MRFAP1L1: variants seen among roughly 807,000 people sequenced by gnomAD.
MRFAP1L1 encodes the protein MORF4 family-associated protein 1-like 1.
A neutral mutation model predicts 10.6 loss-of-function variants in MRFAP1L1; 9 were observed. That is an observed-to-expected ratio of 0.85 (90% CI 0.51 to 1.48). The LOEUF is 1.48. Among genes scored for constraint, MRFAP1L1 ranks in the 40% most tolerant of loss-of-function variants. MRFAP1L1 has a pLI of 0.00. For synonymous variants in MRFAP1L1, 78 were observed against 70.4 expected (o/e 1.11, Z -0.54); for missense variants, 177 against 171.4 (o/e 1.03, Z -0.18).
rs1714724370 is a variant in MRFAP1L1 at position 6,709,573 on chromosome 4, C to A, written c.57G>T (p.Glu19Asp). ...VEAPEEVEVL[E>D]PEEDFEQFLL... ...GGAACTGCTCGAAATCCTCCTCGGG[C>A]TCCAGCACCTCCACTTCCTCAGGCG... is the stretch of plus-strand genomic sequence containing the variant. Residue 19 changes from glutamate (E) to aspartate (D), a missense_variant, in exon 1 of 2, where the codon GAG (glutamate) becomes GAT (aspartate). Glu to Asp is a conservative substitution (Grantham distance 45, BLOSUM62 2). Transcript: ENST00000320848. The A allele has an allele frequency of 1.2e-6, 2 of 1,614,034 alleles. No homozygotes were observed. Among genetic ancestry groups the A allele is most frequent in the South Asian group, 1.1e-5 (1 of 91,092 alleles).
At position 6,708,248 on chromosome 4, in the gene MRFAP1L1, C is replaced by G. The variant is rs1714657036; in HGVS notation, c.*411G>C. 1 of 152,664 alleles carries G rather than the reference C, an allele frequency of 6.6e-6. No homozygotes were observed. The highest frequency in any genetic ancestry group is 1.5e-5 in the Non-Finnish European group (1 of 68,046). The allele number at this position is 152,664 out of a possible 1,614,324, so 9.5% of individuals were successfully genotyped here. A position where few individuals can be genotyped will look rare whatever the true frequency, so the allele number is the denominator to read the frequency against. ...CAGGCTCAACCAAGTAGCGTAGTGT[C>G]TTCCATTGCACCTCTAAAGTTGGAA... On this transcript the variant is annotated 3_prime_UTR_variant, in exon 2 of 2. Coordinates refer to ENST00000320848, the MANE Select transcript of MRFAP1L1 (RefSeq NM_203462.3).
chr4:6,709,793 G>T lies in MRFAP1L1; in HGVS notation c.-164C>A. 1 of 982,936 alleles carries T rather than the reference G, an allele frequency of 1.0e-6. No homozygotes were observed. The highest frequency in any genetic ancestry group is 1.5e-6 in the Non-Finnish European group (1 of 677,152). 60.9% of individuals were successfully genotyped at this position (982,936 alleles called of 1,614,324 possible). A position where few individuals can be genotyped will look rare whatever the true frequency, so the allele number is the denominator to read the frequency against. ...TTTTTTTTCTTCCTTTTAATTGTAA[G>T]CCTTTCGCTTCACAACTCTGCGGGA... On this transcript the variant is annotated 5_prime_UTR_variant, in exon 1 of 2. Transcript: ENST00000320848.
rs3172603 is a variant in MRFAP1L1 at position 6,709,386 on chromosome 4, C to G, written c.244G>C (p.Val82Leu). Residue 82 changes from valine to leucine, a missense_variant, in exon 1 of 2, where the codon GTG becomes CTG. Physicochemically the swap from Val to Leu is conservative, Grantham distance 32 (BLOSUM62 1). Coordinates refer to ENST00000320848, the MANE Select transcript of MRFAP1L1 (RefSeq NM_203462.3). ...EASEESALNH[V>L]QHPSGEADER... is the part of the protein sequence containing the mutation. ...TCGGCTTCGCCACTCGGGTGCTGCA[C>G]GTGATTGAGGGCGCTCTCCTCCGAG... 1.9e-6 allele frequency: 3 copies of G among 1,614,258 alleles called. No homozygotes were observed. The highest frequency in any genetic ancestry group is 2.5e-6 in the Non-Finnish European group (3 of 1,180,044).
chr4:6,709,044 A>T, intron 1 of MRFAP1L1, 187 bp downstream of exon 1: 1 of 632,778 alleles, frequency 1.6e-6, no homozygotes, highest in Non-Finnish European at 2.7e-6. Flanking sequence ...AAAACGGTAT[A>T]CTAACGCCTA....
chr4:6,709,474 C>A lies in MRFAP1L1; in HGVS notation c.156G>T (p.Arg52=). 6.2e-7 allele frequency: 1 copy of A among 1,614,280 alleles called. No individual in the cohort carries two copies. Among genetic ancestry groups the A allele is most frequent in the Non-Finnish European group, 8.5e-7 (1 of 1,180,050 alleles). Residue 52 remains arginine (R), a synonymous_variant, in exon 1 of 2, where the codon CGG becomes CGT. Transcript: ENST00000320848. The part of the protein sequence containing the change: ...LIREHGRAYL[R]TRSKLWEMDN... ...CCATCTCCCACAGCTTGCTCCTGGT[C>A]CGCAGGTACGCCCGCCCGTGCTCGC... is the stretch of plus-strand genomic sequence containing the variant.
rs552903887 is a variant in MRFAP1L1 at position 6,709,106 on chromosome 4, T to C, written c.*15+125A>G. ...TTGACCCCAACTTTGTTCCCAATGC[T>C]CAATTTTTGATGCAATAAAATGGGG... is the stretch of plus-strand genomic sequence containing the variant. On this transcript the variant is annotated intron_variant, in intron 1 of 1. Transcript: ENST00000320848. The C allele has an allele frequency of 1.1e-5, 12 of 1,095,730 alleles. No individual in the cohort carries two copies. In the African/African-American group the frequency reaches 1.9e-4, roughly 17 times the overall value. The allele number at this position is 1,095,730 out of a possible 1,614,324, so 67.9% of individuals were successfully genotyped here.
chr4:6,708,252 C>T lies in MRFAP1L1; in HGVS notation c.*407G>A, dbSNP rs1714657191. 1 of 152,626 alleles carries T rather than the reference C, an allele frequency of 6.6e-6. No individual in the cohort carries two copies. 9.5% of individuals were successfully genotyped at this position (152,626 alleles called of 1,614,324 possible). A position where few individuals can be genotyped will look rare whatever the true frequency, so the allele number is the denominator to read the frequency against. ...CTCAACCAAGTAGCGTAGTGTCTTCCATTGCACCTCTAAAGTTGGAAGATT... is the reference window on the plus strand; with the variant it reads ...CTCAACCAAGTAGCGTAGTGTCTTCTATTGCACCTCTAAAGTTGGAAGATT... On this transcript the variant is annotated 3_prime_UTR_variant, in exon 2 of 2. Transcript: ENST00000320848.
At position 6,709,614 on chromosome 4, in the gene MRFAP1L1, T is replaced by C. The variant is rs1227678573; in HGVS notation, c.16A>G (p.Ile6Val). 5 of 1,612,800 alleles carry C rather than the reference T, an allele frequency of 3.1e-6. No homozygotes were observed. The highest frequency in any genetic ancestry group is 1.7e-5 in the Admixed American group (1 of 60,004). Residue 6 changes from isoleucine (I) to valine (V), a missense_variant, in exon 1 of 2, where the codon ATA becomes GTA. Coordinates refer to ENST00000320848, the MANE Select transcript of MRFAP1L1 (RefSeq NM_203462.3). Reference sequence around the variant, plus strand: ...TCCTCAGGCGCTTCCACCTCGTCTATGTCCAGGGGCCGCATCTCCTCCTGC... The same window carrying C: ...TCCTCAGGCGCTTCCACCTCGTCTACGTCCAGGGGCCGCATCTCCTCCTGC... MRPLD[I>V]DEVEAPEEVE...
intron 1 of MRFAP1L1, 56 bp downstream of exon 1, chr4:6,709,175 C>T (rs1285992313): frequency 1.3e-6 from 2 of 1,562,592 alleles, no homozygotes; most frequent in Non-Finnish European, 1.7e-6. Flanking sequence ...GCGGTTTAAC[C>T]ATGCTTAGGG....
At position 6,709,385 on chromosome 4, in the gene MRFAP1L1, A is replaced by T. The variant is rs1473551617; in HGVS notation, c.245T>A (p.Val82Glu). 7 of 1,614,112 alleles carry T rather than the reference A, an allele frequency of 4.3e-6. No individual in the cohort carries two copies. In the African/African-American group the frequency reaches 9.3e-5, roughly 22 times the overall value. The change falls in exon 1 of 2, where the codon GTG becomes GAG. Residue 82 changes from valine (V) to glutamate (E), a missense_variant. By Grantham distance (121) the Val-to-Glu change is moderately radical (BLOSUM62 -2). Coordinates refer to ENST00000320848, the MANE Select transcript of MRFAP1L1 (RefSeq NM_203462.3). ...EASEESALNHVQHPSGEADER... is the reference protein window; with the variant it reads ...EASEESALNHEQHPSGEADER... The stretch of plus-strand genomic sequence containing the variant: ...GTCGGCTTCGCCACTCGGGTGCTGC[A>T]CGTGATTGAGGGCGCTCTCCTCCGA...
At position 6,709,476 on chromosome 4, in the gene MRFAP1L1, G is replaced by A. The variant is rs1316418138; in HGVS notation, c.154C>T (p.Arg52Trp). The A allele has an allele frequency of 1.2e-6, 2 of 1,614,260 alleles. No individual in the cohort carries two copies. The highest frequency in any genetic ancestry group is 1.7e-5 in the Admixed American group (1 of 60,034). Residue 52 changes from arginine to tryptophan, a missense_variant, in exon 1 of 2, where the codon CGG becomes TGG. Coordinates refer to ENST00000320848, the MANE Select transcript of MRFAP1L1 (RefSeq NM_203462.3). ...LIREHGRAYL[R>W]TRSKLWEMDN... ...ATCTCCCACAGCTTGCTCCTGGTCC[G>A]CAGGTACGCCCGCCCGTGCTCGCGT...
At position 6,709,660 on chromosome 4, in the gene MRFAP1L1, A is replaced by G. The variant is rs1288610308; in HGVS notation, c.-31T>C. 6.3e-7 allele frequency: 1 copy of G among 1,593,346 alleles called. No individual in the cohort carries two copies. Among genetic ancestry groups the G allele is most frequent in the Non-Finnish European group, 8.6e-7 (1 of 1,165,808 alleles). ...CCTGCCGCTTCCTCAGTACCGCAGT[A>G]GGGGCGTTCTTCTCACCGGAACCCT... On this transcript the variant is annotated 5_prime_UTR_variant, in exon 1 of 2. Transcript: ENST00000320848.
chr4:6,709,571 G>A lies in MRFAP1L1; in HGVS notation c.59C>T (p.Pro20Leu). The A allele has an allele frequency of 6.2e-7, 1 of 1,614,044 alleles. No homozygotes were observed. The highest frequency in any genetic ancestry group is 8.5e-7 in the Non-Finnish European group (1 of 1,179,982). Reference sequence around the variant, plus strand: ...CAGGAACTGCTCGAAATCCTCCTCGGGCTCCAGCACCTCCACTTCCTCAGG... The same window carrying A: ...CAGGAACTGCTCGAAATCCTCCTCGAGCTCCAGCACCTCCACTTCCTCAGG... ...EAPEEVEVLEPEEDFEQFLLP... is the reference protein window; with the variant it reads ...EAPEEVEVLELEEDFEQFLLP... Residue 20 changes from proline (P) to leucine (L), a missense_variant, in exon 1 of 2, where the codon CCC (proline) becomes CTC (leucine). By Grantham distance (98) the Pro-to-Leu change is moderately conservative. Transcript: ENST00000320848.
Position 6,709,297 on chromosome 4 carries a change from T to C in MRFAP1L1, c.333A>G (p.Ala111=), listed in dbSNP as rs747990986. Residue 111 remains alanine (A), a synonymous_variant, in exon 1 of 2, where the codon GCA becomes GCG. Transcript: ENST00000320848. The part of the protein sequence containing the change: ...EEKAKEIAKM[A]EMLVELVWRI... Reference sequence around the variant, plus strand: ...GCCAGACGAGCTCGACCAGCATCTCTGCCATCTTCGCAATCTCCTTGGCTT... The same window carrying C: ...GCCAGACGAGCTCGACCAGCATCTCCGCCATCTTCGCAATCTCCTTGGCTT... The C allele has an allele frequency of 4.3e-6, 7 of 1,614,252 alleles. No individual in the cohort carries two copies. In the South Asian group the frequency reaches 7.7e-5, roughly 18 times the overall value.
At chr4:6,708,919 C>T (rs1317327456) in intron 1 of MRFAP1L1, 1 of 338,648 alleles carries the variant, frequency 3.0e-6, no homozygotes, top group African/African-American at 2.1e-5. Context: ...AGTGCCTAGA[C>T]AGGTCTACTT....
At chr4:6,709,108 A>G in intron 1 of MRFAP1L1, 123 bp downstream of exon 1, 1 of 1,120,292 alleles carries the variant, frequency 8.9e-7, no homozygotes, top group Non-Finnish European at 1.3e-6. Context: ...CCCAATGCTC[A>G]ATTTTTGATG....
intron 1 of MRFAP1L1, 49 bp downstream of exon 1, chr4:6,709,182 A>G: frequency 6.3e-7 from 1 of 1,579,060 alleles, no homozygotes; most frequent in Non-Finnish European, 8.6e-7. Context: ...AACCATGCTT[A>G]GGGCGACTAC....
rs1425579221 is a variant in MRFAP1L1, at chr4:6,708,204, T to G, written c.*455A>C. On this transcript the variant is annotated 3_prime_UTR_variant, in exon 2 of 2. Transcript: ENST00000320848. ...CTTCCCAGTTTTATGCAAAGCAGTC[T>G]CATTAATACATTCTTCACCAGGCTC... The G allele has an allele frequency of 6.5e-6, 1 of 152,676 alleles. No individual in the cohort carries two copies. Among genetic ancestry groups the G allele is most frequent in the Admixed American group, 6.5e-5 (1 of 15,286 alleles). The allele number at this position is 152,676 out of a possible 1,614,324, so 9.5% of individuals were successfully genotyped here. A position where few individuals can be genotyped will look rare whatever the true frequency, so the allele number is the denominator to read the frequency against.
At position 6,709,689 on chromosome 4, in the gene MRFAP1L1, A is replaced by G; in HGVS notation, c.-60T>C. 1.3e-6 allele frequency: 2 copies of G among 1,561,618 alleles called. No individual in the cohort carries two copies. ...GCGTTCTTCTCACCGGAACCCTCCA[A>G]GAACTGGAGATCAGCAGTTACTGCT... On this transcript the variant is annotated 5_prime_UTR_variant, in exon 1 of 2. Coordinates refer to ENST00000320848, the MANE Select transcript of MRFAP1L1 (RefSeq NM_203462.3).
Sources: allele counts gnomAD v4.1 joint callset, GRCh38; gene constraint gnomAD v4.1.1; transcripts MANE v1.5; gene names NCBI Gene and HGNC (gene_info 2026-07-23, HGNC 2026-07-21).